PCNX2: variants seen among roughly 807,000 people sequenced by gnomAD.
PCNX2 encodes pecanex-like protein 2.
PCNX2 carries 168 observed loss-of-function variants against 223.8 expected under a neutral mutation model. That is an observed-to-expected ratio of 0.75 (90% confidence interval 0.66 to 0.85). PCNX2 has a LOEUF of 0.85. PCNX2 is among the 40% of genes least tolerant of loss of function. The pLI is 0.00. For synonymous variants in PCNX2, 1,006 were observed against 1,052.6 expected, an observed-to-expected ratio of 0.96 and a Z score of 0.86; for missense variants, 2,507 against 2,675.5, an observed-to-expected ratio of 0.94 and a Z score of 1.39.
chr1:233,043,938 G>A (rs1671736707), intron 25 of PCNX2, among the ~76,000 whole-genome samples: 1 of 151,582 alleles, frequency 6.6e-6, no homozygotes, highest in Non-Finnish European at 1.5e-5. Context: ...TGGGATGGCT[G>A]GGTCAAATGG....
intron 28 of PCNX2, 81 bp downstream of exon 28, chr1:233,014,584 A>C: frequency 9.2e-7 from 1 of 1,082,282 alleles, no homozygotes; most frequent in South Asian, 1.3e-5. Context: ...TTCAAAATAA[A>C]GGAAATGATT....
At chr1:233,283,618 G>C (rs989314298) in intron 1 of PCNX2, among the ~76,000 whole-genome samples, 4 of 152,028 alleles carry the variant, frequency 2.6e-5, no homozygotes, top group Non-Finnish European at 5.9e-5. Context: ...GATAGGAATA[G>C]ATTATACTCC....
Position 233,025,146 on chromosome 1 carries a change from C to G in PCNX2, c.4605G>C (p.Lys1535Asn). 2.5e-6 allele frequency: 4 copies of G among 1,613,970 alleles called. No homozygotes were observed. Among genetic ancestry groups the G allele is most frequent in the Non-Finnish European group, 3.4e-6 (4 of 1,179,870 alleles). ...AGGTGTTTGGGAAACAGAGCAATAC[C>G]TTGATGTAGTAGCGGATGAGGATCC... ...LRRILIRYYI[K>N]SIIYYMVTSP... Residue 1535 changes from lysine to asparagine, a missense_variant and splice_region_variant, in exon 26 of 34, where the codon AAG becomes AAC. Physicochemically the swap from Lys to Asn is moderately conservative, Grantham distance 94 (BLOSUM62 0). Transcript: ENST00000258229.
intron 4 of PCNX2, among the ~76,000 whole-genome samples, chr1:233,260,999 CTT>C (rs1660012231): frequency 2.0e-5 from 3 of 152,114 alleles, no homozygotes; most frequent in South Asian, 2.1e-4. Flanking sequence ...CAATAAAAAA[CTT>C]ATATGTCTGC....
intron 20 of PCNX2, among the ~76,000 whole-genome samples, chr1:233,136,584 C>T (rs1473369214): frequency 7.9e-5 from 12 of 152,262 alleles, no homozygotes; most frequent in Non-Finnish European, 1.0e-4. Flanking sequence ...TCCATGCATA[C>T]ATCACATGGG....
chr1:233,181,788 C>T (rs1165665099), intron 15 of PCNX2, among the ~76,000 whole-genome samples: 4 of 152,146 alleles, frequency 2.6e-5, no homozygotes, highest in African/African-American at 9.7e-5. Context: ...CATTCTAGGG[C>T]CTCTTTTACA....
intron 19 of PCNX2, among the ~76,000 whole-genome samples, chr1:233,144,130 G>A (rs552040749): frequency 2.6e-5 from 4 of 151,762 alleles, no homozygotes; most frequent in African/African-American, 4.8e-5. Flanking sequence ...GTAATAAGCC[G>A]TGATTACACC....
At chr1:233,263,233 C>A in intron 1 of PCNX2, 70 bp from the exon 2 acceptor site, 1 of 1,281,076 alleles carries the variant, frequency 7.8e-7, no homozygotes, top group Admixed American at 2.5e-5. Flanking sequence ...AATCTGGAAG[C>A]ATTTTTAGAC....
chr1:233,238,110 C>T (rs1658528632), intron 8 of PCNX2, among the ~76,000 whole-genome samples: 1 of 152,206 alleles, frequency 6.6e-6, no homozygotes, highest in Admixed American at 6.5e-5. Flanking sequence ...CCTCCGAATT[C>T]ACCAACCTTG....
chr1:233,112,990 T>A, intron 21 of PCNX2: 2 of 1,289,216 alleles, frequency 1.6e-6, no homozygotes, highest in Non-Finnish European at 2.0e-6. Flanking sequence ...GACAAGAAAG[T>A]GGATGTGTTA....
chr1:233,259,409 C>T, intron 4 of PCNX2, 65 bp from the exon 5 acceptor site: 1 of 1,472,332 alleles, frequency 6.8e-7, no homozygotes, highest in Non-Finnish European at 9.0e-7. Flanking sequence ...AGAGCAAGAC[C>T]TAATGAATAA....
intron 10 of PCNX2, among the ~76,000 whole-genome samples, chr1:233,224,102 G>C (rs973699839): frequency 6.6e-6 from 1 of 152,184 alleles, no homozygotes; most frequent in Admixed American, 6.5e-5. Context: ...GCCCAGTACA[G>C]ATCCTAGCAC....
intron 3 of PCNX2, 40 bp from the exon 4 acceptor site, chr1:233,261,361 G>A: frequency 1.3e-6 from 2 of 1,595,734 alleles, no homozygotes; most frequent in South Asian, 1.1e-5. Context: ...AGATGACTCA[G>A]CTGACCGTCC....
intron 25 of PCNX2, chr1:233,047,258 G>C: frequency 1.8e-6 from 1 of 568,018 alleles, no homozygotes; most frequent in African/African-American, 2.0e-5. Flanking sequence ...GGCTGGTTAT[G>C]CCTCAAGATA....
At chr1:233,186,325 T>C (rs756278366) in intron 15 of PCNX2, among the ~76,000 whole-genome samples, 2 of 152,174 alleles carry the variant, frequency 1.3e-5, no homozygotes, top group Non-Finnish European at 2.9e-5. Context: ...CTAGGTCTAT[T>C]TTTGACATGA....
At position 232,990,401 on chromosome 1, in the gene PCNX2, A is replaced by G. The variant is rs148762177; in HGVS notation, c.5792-3861T>C. Reference sequence around the variant, plus strand: ...TCTGGATAGTTGAATCACATCTTGGAGGGATTCTGGCCGGGGGATTGGGGC... The same window carrying G: ...TCTGGATAGTTGAATCACATCTTGGGGGGATTCTGGCCGGGGGATTGGGGC... On this transcript the variant is annotated intron_variant, in intron 32 of 33. Coordinates refer to ENST00000258229, the MANE Select transcript of PCNX2 (RefSeq NM_014801.4). This position sits in a 1 kb window ranked among gnomAD's most constrained non-coding sequence, Gnocchi z 4.3. 5.9e-5 allele frequency among the ~76,000 whole-genome samples: 9 copies of G among 152,184 alleles called. No individual in the cohort carries two copies. The highest frequency in any genetic ancestry group is 1.7e-4 in the African/African-American group (7 of 41,522).
At chr1:233,209,968 GA>G (rs1427344171) in intron 12 of PCNX2, among the ~76,000 whole-genome samples, 1 of 152,096 alleles carries the variant, frequency 6.6e-6, no homozygotes, top group East Asian at 1.9e-4. Flanking sequence ...CATGGTTTAG[GA>G]AATATCATTA....
chr1:233,312,231 G>A, the PCNX2 span, among the ~76,000 whole-genome samples: 6 of 152,062 alleles, frequency 3.9e-5, no homozygotes, highest in Admixed American at 1.3e-4. Flanking sequence ...AAAGGGCAAA[G>A]GACAAATAGG....
At chr1:233,188,846 T>C (rs554276295) in intron 15 of PCNX2, among the ~76,000 whole-genome samples, 7 of 152,274 alleles carry the variant, frequency 4.6e-5, no homozygotes, top group Middle Eastern at 3.4e-3. Flanking sequence ...TAAATTTTAA[T>C]TTAAGTTAAA....
Sources: allele counts gnomAD v4.1 joint callset (sites outside exome capture counted in the v4.1 genomes callset), GRCh38; gene constraint gnomAD v4.1.1; non-coding constraint Gnocchi (gnomAD v3.1); transcripts MANE v1.5; gene names NCBI Gene and HGNC (gene_info 2026-07-23, HGNC 2026-07-21).